The following SI variants were observed in gnomAD, a reference collection of about 807,000 sequenced individuals.
SI encodes sucrase-isomaltase.
A neutral mutation model predicts 253.3 loss-of-function variants in SI; 235 were observed. The observed-to-expected ratio is 0.93, with a 90% CI of 0.83 to 1.03. The LOEUF is 1.03. Ranked by LOEUF, SI falls within the 50% of genes least tolerant of loss-of-function variation. The probability of loss-of-function intolerance (pLI) is 0.00; values close to 1 mark genes in which losing one functional copy is unlikely to be tolerated. For synonymous variants in SI, 819 were observed against 712.0 expected, an observed-to-expected ratio of 1.15 and a Z score of -2.39; for missense variants, 2,442 against 2,211.1, an observed-to-expected ratio of 1.10 and a Z score of -2.09.
chr3:165,074,731 A>G, intron 2 of SI, 64 bp from the exon 3 acceptor site: 1 of 1,297,334 alleles, frequency 7.7e-7, no homozygotes, highest in Non-Finnish European at 1.1e-6. Flanking sequence ...CAGAATTATC[A>G]AGTAATAAGT....
intron 25 of SI, among the ~76,000 whole-genome samples, chr3:165,028,229 A>T (rs985286777): frequency 3.3e-5 from 5 of 151,426 alleles, no homozygotes; most frequent in Non-Finnish European, 5.9e-5. Context: ...TTAGGTGTAT[A>T]CCTAACCAAG....
intron 3 of SI, 107 bp from the exon 4 acceptor site, chr3:165,069,302 A>AT: frequency 2.6e-6 from 2 of 775,564 alleles, no homozygotes; most frequent in Non-Finnish European, 4.4e-6. Flanking sequence ...ACTTTTTCAA[A>AT]TGTATAATAT....
intron 44 of SI, among the ~76,000 whole-genome samples, chr3:164,988,239 A>G (rs1717537109): frequency 6.6e-6 from 1 of 152,218 alleles, no homozygotes; most frequent in Non-Finnish European, 1.5e-5. Context: ...TAAAATTTCC[A>G]GAATCTCTAG....
intron 3 of SI, 77 bp downstream of exon 3, chr3:165,074,454 C>A (rs946853246): frequency 6.8e-6 from 6 of 876,400 alleles, no homozygotes; most frequent in Middle Eastern, 3.7e-4. Context: ...TAAATAAGAT[C>A]GATCCAATAT....
Position 164,994,288 on chromosome 3 carries a change from C to T in SI, c.4810G>A (p.Gly1604Ser). 1 of 1,610,992 alleles carries T rather than the reference C, an allele frequency of 6.2e-7. No individual in the cohort carries two copies. The highest frequency in any genetic ancestry group is 8.5e-7 in the Non-Finnish European group (1 of 1,177,946). Residue 1604 changes from glycine to serine, a missense_variant, in exon 41 of 48, where the codon GGT becomes AGT. Coordinates refer to ENST00000264382, the MANE Select transcript of SI (RefSeq NM_001041.4). ...AAAAGGGGTCGGATAACAGTGCCAC[C>T]ATTAGCATGAATTTCATGCATTTGT... ...YTQMHEIHAN[G>S]GTVIRPLLHE...
chr3:165,025,517 C>T (rs755315747), intron 25 of SI, among the ~76,000 whole-genome samples: 5 of 151,030 alleles, frequency 3.3e-5, no homozygotes, highest in South Asian at 2.1e-4. Flanking sequence ...GGATATTCAT[C>T]GCAAAAAGGT....
intron 15 of SI, 27 bp from the exon 16 acceptor site, chr3:165,047,039 A>G (rs763185077): frequency 6.8e-6 from 10 of 1,472,606 alleles, no homozygotes; most frequent in Non-Finnish European, 8.4e-6. Flanking sequence ...ATTAACAAAT[A>G]CAATTTATTT....
chr3:165,064,918 T>C (rs1400598609), intron 7 of SI, among the ~76,000 whole-genome samples: 1 of 152,076 alleles, frequency 6.6e-6, no homozygotes, highest in Non-Finnish European at 1.5e-5. Context: ...TATGAAGACA[T>C]GTAAAACAGT....
At position 165,037,881 on chromosome 3, in the gene SI, T is replaced by G; in HGVS notation, c.2426+19A>C. On this transcript the variant is annotated intron_variant, in intron 21 of 47. Coordinates refer to ENST00000264382, the MANE Select transcript of SI (RefSeq NM_001041.4). ...TTTGAATTTTATTTTAGATTTCAAC[T>G]AATGATTTTTCATTTTACCTTGCTG... The G allele has an allele frequency of 6.6e-7, 1 of 1,514,958 alleles. No homozygotes were observed. Among genetic ancestry groups the G allele is most frequent in the Middle Eastern group, 1.7e-4 (1 of 5,858 alleles). 93.8% of individuals were successfully genotyped at this position (1,514,958 alleles called of 1,614,324 possible). A position where few individuals can be genotyped will look rare whatever the true frequency, so the allele number is the denominator to read the frequency against.
chr3:164,989,908 G>T (rs985903663), intron 44 of SI, among the ~76,000 whole-genome samples: 1 of 152,114 alleles, frequency 6.6e-6, no homozygotes, highest in Non-Finnish European at 1.5e-5. Flanking sequence ...AATATCAGTG[G>T]TTGCCACGGG....
intron 27 of SI, among the ~76,000 whole-genome samples, chr3:165,020,825 A>G (rs1234900414): frequency 6.6e-6 from 1 of 151,764 alleles, no homozygotes; most frequent in Non-Finnish European, 1.5e-5. Flanking sequence ...TACCTGGCAG[A>G]TAAATTATTA....
At chr3:165,071,968 C>A (rs960921407) in intron 3 of SI, among the ~76,000 whole-genome samples, 1 of 152,078 alleles carries the variant, frequency 6.6e-6, no homozygotes, top group South Asian at 2.1e-4. Context: ...TGCCTGTTAC[C>A]TAGGTAACCA....
At chr3:165,062,514 A>T (rs753813361) in intron 8 of SI, 31 bp from the exon 9 acceptor site, 43 of 1,080,264 alleles carry the variant, frequency 4.0e-5, no homozygotes, top group Non-Finnish European at 5.5e-5. Context: ...ACTTATATGT[A>T]AATAGTGAAA....
intron 13 of SI, among the ~76,000 whole-genome samples, chr3:165,050,293 C>G (rs1361282203): frequency 6.6e-6 from 1 of 152,018 alleles, no homozygotes; most frequent in Non-Finnish European, 1.5e-5. Flanking sequence ...GCAAAATTTG[C>G]CTACCAACAG....
intron 1 of SI, 64 bp from the exon 2 acceptor site, chr3:165,076,076 A>C: frequency 1.7e-6 from 2 of 1,143,498 alleles, no homozygotes; most frequent in Non-Finnish European, 2.4e-6. Flanking sequence ...ACCACCAACA[A>C]TTCTCATGAA....
chr3:165,035,631 T>A (rs1712492074), intron 22 of SI, among the ~76,000 whole-genome samples: 2 of 151,536 alleles, frequency 1.3e-5, no homozygotes, highest in Admixed American at 1.3e-4. Flanking sequence ...TTAAAATTTG[T>A]ACAAGGATAT....
At chr3:165,067,289 A>G in intron 6 of SI, 51 bp downstream of exon 6, 1 of 1,303,228 alleles carries the variant, frequency 7.7e-7, no homozygotes, top group Non-Finnish European at 1.1e-6. Context: ...AAGACTTTCC[A>G]ATTCTATAAT....
At chr3:165,054,272 C>G (rs961188200) in intron 13 of SI, among the ~76,000 whole-genome samples, 1 of 152,070 alleles carries the variant, frequency 6.6e-6, no homozygotes, top group African/African-American at 2.4e-5. Flanking sequence ...TGTACTTTTT[C>G]CAAATTCTTG....
At chr3:165,050,734 G>A (rs1713383564) in intron 13 of SI, among the ~76,000 whole-genome samples, 1 of 151,916 alleles carries the variant, frequency 6.6e-6, no homozygotes, top group African/African-American at 2.4e-5. Flanking sequence ...ATCACATTCA[G>A]TCACATCCTT....
Sources: gnomAD v4.1 joint callset for allele counts (sites outside exome capture counted in the v4.1 genomes callset) on GRCh38, gnomAD v4.1.1 for gene constraint, MANE v1.5 for transcripts, NCBI Gene and HGNC (gene_info 2026-07-23, HGNC 2026-07-21) for gene names.